PPP1CB: variants seen among roughly 807,000 people sequenced by gnomAD.
The protein encoded by PPP1CB is serine/threonine-protein phosphatase PP1-beta catalytic subunit.
In PPP1CB, 2 loss-of-function variants were observed where a neutral mutation model predicts 43.7. The ratio of observed to expected loss-of-function variants is 0.05; its 90% CI spans 0.02 to 0.14. PPP1CB has a LOEUF of 0.14. Ranked by LOEUF, PPP1CB falls within the 10% of genes least tolerant of loss-of-function variation. The pLI, the probability that PPP1CB is intolerant of heterozygous loss-of-function variation, is 1.00. For missense variants in PPP1CB, 84 were observed against 398.0 expected, an observed-to-expected ratio of 0.21 and a Z score of 6.71; for synonymous variants, 136 against 135.6, an observed-to-expected ratio of 1.00 and a Z score of -0.02.
chr2:28,787,000 A>G (rs1223613446), intron 5 of PPP1CB, among the ~76,000 whole-genome samples: 1 of 152,126 alleles, frequency 6.6e-6, no homozygotes, highest in South Asian at 2.1e-4. Flanking sequence ...GGATATATCA[A>G]TGATAGAGAT....
chr2:28,764,175 A>G (rs1666728201), intron 1 of PPP1CB, among the ~76,000 whole-genome samples: 1 of 151,428 alleles, frequency 6.6e-6, no homozygotes, highest in Non-Finnish European at 1.5e-5. Flanking sequence ...GAAAAAGCAA[A>G]GGGGGCTGGA....
chr2:28,798,147 A>G (rs971725696), intron 7 of PPP1CB, among the ~76,000 whole-genome samples: 1 of 152,112 alleles, frequency 6.6e-6, no homozygotes, highest in Non-Finnish European at 1.5e-5. Context: ...TACTTTGTAC[A>G]TATTTCTATA....
intron 1 of PPP1CB, among the ~76,000 whole-genome samples, chr2:28,762,854 A>G (rs1666687895): frequency 6.6e-6 from 1 of 152,250 alleles, no homozygotes; most frequent in Non-Finnish European, 1.5e-5. Context: ...ACAAGATCTC[A>G]TCAGAAGAGT....
chr2:28,766,569 C>A (rs1666780719), intron 1 of PPP1CB, among the ~76,000 whole-genome samples: 1 of 152,196 alleles, frequency 6.6e-6, no homozygotes, highest in Admixed American at 6.5e-5. Context: ...ATTCTTGCCT[C>A]TAGTTGTTCC....
At chr2:28,792,495 C>G (rs1382045002) in intron 6 of PPP1CB, among the ~76,000 whole-genome samples, 1 of 152,084 alleles carries the variant, frequency 6.6e-6, no homozygotes, top group Admixed American at 6.6e-5. Context: ...ACACTCCAGC[C>G]TAGGCAGCAG....
chr2:28,777,589 G>A (rs1366689075), intron 2 of PPP1CB, among the ~76,000 whole-genome samples: 2 of 152,116 alleles, frequency 1.3e-5, no homozygotes, highest in African/African-American at 4.8e-5. Flanking sequence ...CTTTTTTACA[G>A]TCCTTTGTAC....
chr2:28,793,418 A>G (rs1040076902), intron 6 of PPP1CB, among the ~76,000 whole-genome samples: 1 of 152,220 alleles, frequency 6.6e-6, no homozygotes, highest in Non-Finnish European at 1.5e-5. Flanking sequence ...TGCTCATTTA[A>G]TTAAGGATTC....
chr2:28,776,231 GT>G (rs1016370458), intron 1 of PPP1CB, among the ~76,000 whole-genome samples: 4 of 149,046 alleles, frequency 2.7e-5, no homozygotes, highest in Non-Finnish European at 5.9e-5. Flanking sequence ...TTTTGTGTGT[GT>G]TTTTTTTGTT....
intron 5 of PPP1CB, among the ~76,000 whole-genome samples, chr2:28,786,864 A>G (rs1443674953): frequency 6.6e-6 from 1 of 151,928 alleles, no homozygotes; most frequent in Admixed American, 6.6e-5. Flanking sequence ...AGCATTATTA[A>G]GCACTGGGTG....
chr2:28,796,861 A>C (rs1409149145), intron 7 of PPP1CB, among the ~76,000 whole-genome samples: 1 of 152,130 alleles, frequency 6.6e-6, no homozygotes, highest in Admixed American at 6.5e-5. Flanking sequence ...TCCAGTTCTC[A>C]AGGGGAATGC....
intron 1 of PPP1CB, among the ~76,000 whole-genome samples, chr2:28,771,246 GT>G (rs1242637797): frequency 6.6e-6 from 1 of 151,906 alleles, no homozygotes; most frequent in Non-Finnish European, 1.5e-5. Context: ...TAGAGGCGGA[GT>G]TTCACCATGT....
chr2:28,784,473 A>G (rs2148053676), intron 5 of PPP1CB, among the ~76,000 whole-genome samples: 1 of 152,238 alleles, frequency 6.6e-6, no homozygotes, highest in South Asian at 2.1e-4. Context: ...TCTGTTGCCC[A>G]GGCTGGCCTT....
Position 28,752,166 on chromosome 2 carries a change from G to C in PPP1CB, c.42G>C (p.Arg14=), listed in dbSNP as rs1192574840. 1 of 1,547,678 alleles carries C rather than the reference G, an allele frequency of 6.5e-7. No homozygotes were observed. ...TGAACGTGGACAGCCTCATCACCCGGCTGCTGGAGGGTGAGTGCGCGCCTG... is the reference window on the plus strand; with the variant it reads ...TGAACGTGGACAGCCTCATCACCCGCCTGCTGGAGGGTGAGTGCGCGCCTG... The part of the protein sequence containing the change: ...GELNVDSLIT[R]LLEVRGCRPG... The change falls in exon 1 of 8, where the codon CGG becomes CGC. Residue 14 remains arginine (R), a synonymous_variant. Transcript: ENST00000395366.
chr2:28,794,058 C>A, intron 7 of PPP1CB, 61 bp downstream of exon 7: 2 of 1,415,662 alleles, frequency 1.4e-6, no homozygotes, highest in East Asian at 2.5e-5. Flanking sequence ...TATCAGAATT[C>A]GTTTTAGATT....
intron 6 of PPP1CB, among the ~76,000 whole-genome samples, chr2:28,793,448 C>T (rs968463322): frequency 6.6e-6 from 1 of 151,948 alleles, no homozygotes; most frequent in Non-Finnish European, 1.5e-5. Flanking sequence ...ATTATAATGC[C>T]CTCATCAAAG....
intron 5 of PPP1CB, among the ~76,000 whole-genome samples, chr2:28,785,720 G>C (rs899724651): frequency 6.6e-5 from 10 of 152,038 alleles, no homozygotes; most frequent in Non-Finnish European, 1.5e-4. Context: ...GAGGCAGGAG[G>C]ATCACTTCAG....
chr2:28,752,971 G>A (rs898658402), intron 1 of PPP1CB, among the ~76,000 whole-genome samples: 3 of 152,200 alleles, frequency 2.0e-5, no homozygotes, highest in Admixed American at 1.3e-4. Flanking sequence ...GGTCTACGCA[G>A]CATTTGAACT....
At chr2:28,787,874 C>T (rs1000547592) in intron 5 of PPP1CB, among the ~76,000 whole-genome samples, 4 of 152,134 alleles carry the variant, frequency 2.6e-5, no homozygotes, top group Non-Finnish European at 5.9e-5. Flanking sequence ...AAGATTTCCA[C>T]TACCATTAAT....
At chr2:28,752,630 G>C (rs914299621) in intron 1 of PPP1CB, among the ~76,000 whole-genome samples, 2 of 152,188 alleles carry the variant, frequency 1.3e-5, no homozygotes, top group Admixed American at 6.5e-5. Flanking sequence ...TGTCGTTCCG[G>C]GAGTGAATTT....
Sources: gnomAD v4.1 joint callset for allele counts (sites outside exome capture counted in the v4.1 genomes callset) on GRCh38, gnomAD v4.1.1 for gene constraint, MANE v1.5 for transcripts, NCBI Gene and HGNC (gene_info 2026-07-23, HGNC 2026-07-21) for gene names.